The following FNDC3A variants were observed in gnomAD, a reference collection of about 807,000 sequenced individuals.
FNDC3A encodes fibronectin type III domain containing 3A.
Under a neutral mutation model 148.9 loss-of-function variants are expected in FNDC3A, and 32 were observed. The ratio of observed to expected loss-of-function variants is 0.21; its 90% CI spans 0.16 to 0.29. The LOEUF is 0.29. Ranked by LOEUF, FNDC3A falls within the 10% of genes least tolerant of loss-of-function variation. The pLI is 1.00. For synonymous variants in FNDC3A, 472 were observed against 473.6 expected (o/e 1.00, Z 0.04); for missense variants, 1,191 against 1,452.8 (o/e 0.82, Z 2.93).
chr13:49,008,943 G>C (rs1462661044), intron 2 of FNDC3A, among the ~76,000 whole-genome samples: 1 of 81,258 alleles, frequency 1.2e-5, no homozygotes, highest in Non-Finnish European at 2.8e-5. Context: ...TCATTTATTA[G>C]TGTGATATAT....
At chr13:49,189,547 G>T (rs868554612) in intron 17 of FNDC3A, among the ~76,000 whole-genome samples, 7 of 148,164 alleles carry the variant, frequency 4.7e-5, no homozygotes, top group Admixed American at 2.7e-4. Context: ...TAATTGCTGG[G>T]TTTTTTTTTT....
intron 17 of FNDC3A, among the ~76,000 whole-genome samples, chr13:49,189,378 T>C (rs967807554): frequency 1.3e-5 from 2 of 152,122 alleles, no homozygotes; most frequent in African/African-American, 2.4e-5. Context: ...AGACGGGGTT[T>C]TACCATGTTG....
intron 8 of FNDC3A, among the ~76,000 whole-genome samples, chr13:49,148,261 G>C (rs902298919): frequency 2.0e-5 from 3 of 151,988 alleles, no homozygotes; most frequent in Non-Finnish European, 2.9e-5. Flanking sequence ...CTGTGCTTTG[G>C]GGGTCTTAGC....
At chr13:49,044,894 C>T (rs922928139) in intron 2 of FNDC3A, 22 of 282,448 alleles carry the variant, frequency 7.8e-5, no homozygotes, top group Non-Finnish European at 7.9e-5. Context: ...AGCAAACCCT[C>T]AAGATTTGTT....
chr13:49,169,588 C>A (rs1884652489), intron 10 of FNDC3A, among the ~76,000 whole-genome samples: 1 of 152,166 alleles, frequency 6.6e-6, no homozygotes, highest in Non-Finnish European at 1.5e-5. Flanking sequence ...ATAGCCCCCA[C>A]AAAATTTCAA....
Position 49,185,976 on chromosome 13 carries a change from A to G in FNDC3A, c.1630A>G (p.Asn544Asp), listed in dbSNP as rs773433603. The G allele has an allele frequency of 6.2e-7, 1 of 1,611,362 alleles. No homozygotes were observed. The highest frequency in any genetic ancestry group is 1.1e-5 in the South Asian group (1 of 90,940). ...GTTCTCATCACAGGTTATTGCTTAC[A>G]ACTCAGAAGGTAAAAGTAATCCAAG... is the stretch of plus-strand genomic sequence containing the variant. ...TKYKFKVIAY[N>D]SEGKSNPSEV... The change falls in exon 15 of 26, where the codon AAC (asparagine) becomes GAC (aspartate). Residue 544 changes from asparagine to aspartate, a missense_variant. Physicochemically the swap from Asn to Asp is conservative, Grantham distance 23 (BLOSUM62 1). Around this residue, in one of 3 missense-constraint regions of FNDC3A, gnomAD observed 751 missense variants for 944.0 expected, o/e 0.80. Transcript: ENST00000492622.
intron 2 of FNDC3A, among the ~76,000 whole-genome samples, chr13:49,006,921 C>T (rs1952233428): frequency 6.6e-6 from 1 of 151,970 alleles, no homozygotes; most frequent in South Asian, 2.1e-4. Flanking sequence ...ACACTAAAAA[C>T]ATAATAAATG....
rs1886768178 is a variant in FNDC3A, at chr13:49,208,802, C to T, written c.*1407C>T. The T allele has an allele frequency of 1.3e-5, 2 of 152,592 alleles. No homozygotes were observed. Among genetic ancestry groups the T allele is most frequent in the African/African-American group, 4.8e-5 (2 of 41,438 alleles). 9.5% of individuals were successfully genotyped at this position (152,592 alleles called of 1,614,324 possible). ...TTATTTGAATTTTAGGATAGCGAAT[C>T]ACTAATTTTTAGTTGCTGAGGTTGG... is the stretch of plus-strand genomic sequence containing the variant. On this transcript the variant is annotated 3_prime_UTR_variant, in exon 26 of 26. Transcript: ENST00000492622.
chr13:49,202,151 G>T (rs1351134252), intron 24 of FNDC3A, among the ~76,000 whole-genome samples, 185 bp downstream of exon 24: 3 of 152,064 alleles, frequency 2.0e-5, no homozygotes, highest in Non-Finnish European at 4.4e-5. Flanking sequence ...GTTTTATCTG[G>T]CACGCTCATA....
chr13:49,169,900 T>A (rs76017421), intron 10 of FNDC3A, among the ~76,000 whole-genome samples: 10,949 of 152,282 alleles, frequency 0.072, 954 homozygotes, highest in East Asian at 0.46. Context: ...TTTTATTTCG[T>A]GTCACTTACA....
At chr13:49,029,316 A>C (rs1186281527) in intron 2 of FNDC3A, among the ~76,000 whole-genome samples, 1 of 152,268 alleles carries the variant, frequency 6.6e-6, no homozygotes, top group Non-Finnish European at 1.5e-5. Context: ...ATATTTCTAC[A>C]AAGCCAGTAG....
At position 48,996,520 on chromosome 13, in the gene FNDC3A, G is replaced by A. The variant is rs767996324; in HGVS notation, c.-39-9632G>A. Among the ~76,000 whole-genome samples the A allele has an allele frequency of 3.3e-5, 5 of 152,098 alleles. No individual in the cohort carries two copies. The East Asian group carries it at 7.7e-4, about 23-fold the overall frequency. On this transcript the variant is annotated intron_variant, in intron 1 of 25. Transcript: ENST00000492622. ...TTACGTAGCATTTATATTGTATTAG[G>A]TATTATAAGTCATACAGAGATGATT... is the stretch of plus-strand genomic sequence containing the variant.
intron 2 of FNDC3A, among the ~76,000 whole-genome samples, chr13:49,050,164 T>G (rs932201580): frequency 6.6e-6 from 1 of 152,188 alleles, no homozygotes; most frequent in African/African-American, 2.4e-5. Flanking sequence ...TGTTCGTTAT[T>G]TCTTTTCTTC....
chr13:49,028,436 T>C (rs568475815), intron 2 of FNDC3A, among the ~76,000 whole-genome samples: 4 of 152,012 alleles, frequency 2.6e-5, no homozygotes, highest in Admixed American at 2.6e-4. Flanking sequence ...AAACCGAATC[T>C]CGCTTGTTGC....
At chr13:49,154,266 A>G (rs1883511215) in intron 8 of FNDC3A, among the ~76,000 whole-genome samples, 5 of 140,822 alleles carry the variant, frequency 3.6e-5, no homozygotes, top group Admixed American at 1.4e-4. Flanking sequence ...TAGGTATTTT[A>G]TTCTCTTTGA....
At chr13:49,195,015 G>A (rs1243318791) in intron 19 of FNDC3A, among the ~76,000 whole-genome samples, 4 of 152,012 alleles carry the variant, frequency 2.6e-5, no homozygotes, top group African/African-American at 9.7e-5. Context: ...CTTTATAGAT[G>A]TTAGATTGTG....
intron 16 of FNDC3A, chr13:49,187,778 A>G: frequency 1.4e-6 from 1 of 733,202 alleles, no homozygotes; most frequent in Non-Finnish European, 2.3e-6. Context: ...CTTTGTTTGT[A>G]GCAGTTAGGA....
chr13:49,162,736 T>C (rs1884220905), intron 8 of FNDC3A, among the ~76,000 whole-genome samples: 1 of 152,244 alleles, frequency 6.6e-6, no homozygotes, highest in Admixed American at 6.5e-5. Flanking sequence ...TTTCTCCCCA[T>C]CTTTGTGGTT....
chr13:49,003,877 T>C (rs1190208444), intron 1 of FNDC3A, among the ~76,000 whole-genome samples: 2 of 152,192 alleles, frequency 1.3e-5, no homozygotes, highest in Non-Finnish European at 2.9e-5. Flanking sequence ...ATCCAAACAT[T>C]AATATTTCAC....
Sources: allele counts gnomAD v4.1 joint callset (sites outside exome capture counted in the v4.1 genomes callset), GRCh38; gene constraint gnomAD v4.1.1; regional missense constraint gnomAD v4.1.1; transcripts MANE v1.5; gene names NCBI Gene and HGNC (gene_info 2026-07-23, HGNC 2026-07-21).